Variants in REPS2 observed in about 807,000 individuals in gnomAD.
REPS2 encodes the protein RALBP1 associated Eps domain containing 2.
A neutral mutation model predicts 53.6 loss-of-function variants in REPS2; 23 were observed. The observed-to-expected ratio is 0.43, with a 90% CI of 0.31 to 0.61. The LOEUF is 0.61. REPS2 is among the 20% of genes least tolerant of loss of function. The probability of loss-of-function intolerance (pLI) is 0.11; values close to 1 mark genes in which losing one functional copy is unlikely to be tolerated. For synonymous variants in REPS2, 238 were observed against 218.6 expected, an observed-to-expected ratio of 1.09 and a Z score of -0.78; for missense variants, 446 against 534.9, an observed-to-expected ratio of 0.83 and a Z score of 1.64.
chrX:17,118,751 A>G (rs2063099277), intron 14 of REPS2, among the ~76,000 whole-genome samples: 1 of 112,142 alleles, frequency 8.9e-6, no homozygotes, highest in Admixed American at 9.5e-5. Context: ...TCTTTCCTAC[A>G]TTAATCTCAA....
chrX:17,174,360 G>A, the REPS2 span, among the ~76,000 whole-genome samples: 2 of 112,250 alleles, frequency 1.8e-5, no homozygotes, highest in African/African-American at 3.2e-5. Flanking sequence ...TGGTTGCACA[G>A]TGGAATCACC....
At chrX:17,006,166 C>T in intron 1 of REPS2, 55 bp from the exon 2 acceptor site, 3 of 1,181,576 alleles carry the variant, frequency 2.5e-6, no homozygotes, top group Non-Finnish European at 3.4e-6. Context: ...TACCTTGTCT[C>T]ATTTTCCTGT....
chrX:17,123,033 C>A (rs746416386), intron 14 of REPS2, among the ~76,000 whole-genome samples: 2 of 112,052 alleles, frequency 1.8e-5, no homozygotes, highest in Non-Finnish European at 3.8e-5. Context: ...ATTGCCAGGC[C>A]TATATATGTC....
At chrX:17,016,792 A>T (rs1221038081) in intron 2 of REPS2, among the ~76,000 whole-genome samples, 1 of 99,701 alleles carries the variant, frequency 1.0e-5, no homozygotes, top group Non-Finnish European at 2.0e-5. Context: ...GCAAATATTC[A>T]AACATTGTGC....
chrX:17,147,463 T>C lies in REPS2; in HGVS notation c.1965T>C (p.Arg655=), dbSNP rs767773602. The C allele has an allele frequency of 8.3e-7, 1 of 1,205,576 alleles. No homozygotes were observed. The highest frequency in any genetic ancestry group is 3.0e-5 in the East Asian group (1 of 33,726). ...IALENQLEQL[R]PVTVL is the part of the protein sequence containing the mutation. ...TGGAAAACCAATTGGAACAACTTCG[T>C]CCGGTCACTGTGTTGTGACCCCCCC... Residue 655 remains arginine, a synonymous_variant, in exon 18 of 18, where the codon CGT becomes CGC. Coordinates refer to ENST00000357277, the MANE Select transcript of REPS2 (RefSeq NM_004726.3).
intron 17 of REPS2, among the ~76,000 whole-genome samples, chrX:17,144,411 T>C (rs923622920): frequency 4.4e-5 from 5 of 112,909 alleles, no homozygotes; most frequent in African/African-American, 1.6e-4. Context: ...TCTCCCCTTA[T>C]GTACTCCCAC....
At chrX:17,067,536 A>T (rs2062241273) in intron 9 of REPS2, among the ~76,000 whole-genome samples, 1 of 112,326 alleles carries the variant, frequency 8.9e-6, no homozygotes, top group South Asian at 3.7e-4. Context: ...ATTTACAGTA[A>T]GTAGATTTTA....
chrX:17,053,600 T>C (rs919674676), intron 7 of REPS2, among the ~76,000 whole-genome samples: 5 of 112,166 alleles, frequency 4.5e-5, no homozygotes, highest in African/African-American at 1.6e-4. Context: ...CCTTGGTTTC[T>C]GAAAACTCTG....
intron 13 of REPS2, 87 bp from the exon 14 acceptor site, chrX:17,103,630 CA>C (rs2062835497): frequency 1.2e-6 from 1 of 851,843 alleles, no homozygotes; most frequent in Admixed American, 2.3e-5. Flanking sequence ...ATGCAAATGC[CA>C]TTGCCATTCC....
At chrX:16,982,317 A>C (rs1297143146) in intron 1 of REPS2, among the ~76,000 whole-genome samples, 1 of 112,135 alleles carries the variant, frequency 8.9e-6, no homozygotes, top group Non-Finnish European at 1.9e-5. Flanking sequence ...TAATGTGGAC[A>C]TATGTTTTTA....
chrX:17,016,576 A>G (rs2061496425), intron 2 of REPS2, among the ~76,000 whole-genome samples: 1 of 109,417 alleles, frequency 9.1e-6, no homozygotes, highest in South Asian at 4.0e-4. Context: ...CGCCTGGCTA[A>G]TTTTTGTATT....
the REPS2 span, among the ~76,000 whole-genome samples, chrX:17,171,789 G>A: frequency 9.0e-6 from 1 of 111,114 alleles, no homozygotes; most frequent in Non-Finnish European, 1.9e-5. Context: ...GCCTCCCAAA[G>A]TGCTGGAATT....
At chrX:17,118,878 T>C (rs1338165593) in intron 14 of REPS2, among the ~76,000 whole-genome samples, 1 of 112,478 alleles carries the variant, frequency 8.9e-6, no homozygotes, top group Non-Finnish European at 1.9e-5. Flanking sequence ...GGGTAACCCT[T>C]ATTCTACCCC....
chrX:17,113,006 G>A (rs2062992783), intron 14 of REPS2, among the ~76,000 whole-genome samples: 1 of 97,502 alleles, frequency 1.0e-5, no homozygotes, highest in African/African-American at 3.8e-5. Context: ...GCAGGAGAAT[G>A]GTGTGAACCC....
chrX:17,118,399 A>T (rs1384979381), intron 14 of REPS2, among the ~76,000 whole-genome samples: 3 of 111,451 alleles, frequency 2.7e-5, no homozygotes, highest in African/African-American at 9.8e-5. Flanking sequence ...TTGGCCCCAC[A>T]GAGACCTTTA....
chrX:16,991,008 G>T (rs1020464586), intron 1 of REPS2, among the ~76,000 whole-genome samples: 5 of 110,688 alleles, frequency 4.5e-5, no homozygotes, highest in Non-Finnish European at 9.5e-5. Flanking sequence ...GTCCATGTGA[G>T]TGAGTCCCTG....
chrX:17,133,367 A>T (rs1269163968), intron 14 of REPS2, among the ~76,000 whole-genome samples: 1 of 111,266 alleles, frequency 9.0e-6, no homozygotes, highest in Non-Finnish European at 1.9e-5. Context: ...GGCCTGGGGG[A>T]TAGTTCTTAC....
rs1199941626 is a variant in REPS2 at position 17,138,929 on chromosome X, C to T, written c.1882C>T (p.Arg628Trp). ...TAAAGAGGCAAACGCAGTGCTGGCTCGGCTGAACAGTGAGCTCCAGCAGCA... is the reference window on the plus strand; with the variant it reads ...TAAAGAGGCAAACGCAGTGCTGGCTTGGCTGAACAGTGAGCTCCAGCAGCA... ...KNKEANAVLA[R>W]LNSELQQQLK... The change falls in exon 17 of 18, where the codon CGG becomes TGG. Residue 628 changes from arginine to tryptophan, a missense_variant. Arg to Trp is a moderately radical substitution (Grantham distance 101). Transcript: ENST00000357277. The T allele has an allele frequency of 1.7e-6, 2 of 1,199,944 alleles. No individual in the cohort carries two copies. The highest frequency in any genetic ancestry group is 2.2e-6 in the Non-Finnish European group (2 of 889,622).
Position 17,006,290 on chromosome X carries a change from T to A in REPS2, c.343T>A (p.Leu115Ile). The change falls in exon 2 of 18, where the codon TTA becomes ATA. Residue 115 changes from leucine (L) to isoleucine (I), a missense_variant. Transcript: ENST00000357277. ...GPTQFYIALK[L>I]IAAAQSGLPV... ...AACACAGTTTTACATTGCCCTGAAA[T>A]TAATTGCTGCAGCACAATCTGGCCT... is the stretch of plus-strand genomic sequence containing the variant. 8.3e-7 allele frequency: 1 copy of A among 1,209,928 alleles called. No individual in the cohort carries two copies. The highest frequency in any genetic ancestry group is 1.1e-6 in the Non-Finnish European group (1 of 893,703).
Sources: allele counts gnomAD v4.1 joint callset (sites outside exome capture counted in the v4.1 genomes callset), GRCh38; gene constraint gnomAD v4.1.1; transcripts MANE v1.5; gene names NCBI Gene and HGNC (gene_info 2026-07-23, HGNC 2026-07-21).